RAD21: variants seen among roughly 807,000 people sequenced by gnomAD.
The protein encoded by RAD21 is double-strand-break repair protein rad21 homolog.
RAD21 carries 18 observed loss-of-function variants against 71.5 expected under a neutral mutation model. The ratio of observed to expected loss-of-function variants is 0.25; its 90% confidence interval spans 0.17 to 0.37. The LOEUF is 0.37. RAD21 is among the 10% of genes least tolerant of loss of function. The probability of loss-of-function intolerance (pLI) is 1.00; values close to 1 mark genes in which losing one functional copy is unlikely to be tolerated. For missense variants in RAD21, 493 were observed against 769.1 expected, an observed-to-expected ratio of 0.64 and a Z score of 4.25; for synonymous variants, 248 against 254.0, an observed-to-expected ratio of 0.98 and a Z score of 0.22.
In RAD21 at chr8:116,863,731, C is replaced by T. The variant is rs1026450919; in HGVS notation, c.145-472G>A. Among the ~76,000 whole-genome samples, 7 of 152,056 alleles carry T rather than the reference C, an allele frequency of 4.6e-5. 1 individual carries two copies. Among genetic ancestry groups the T allele is most frequent in the Admixed American group, 6.6e-5 (1 of 15,240 alleles). ...GATTTCCCCCCCAAAAGAACAACGC[C>T]TCTCTTCCTTCCCTCTTTCCTGCTT... On this transcript the variant is annotated intron_variant, in intron 2 of 13. Coordinates refer to ENST00000297338, the MANE Select transcript of RAD21 (RefSeq NM_006265.3).
chr8:116,852,444 G>A lies in RAD21; in HGVS notation c.1321+105C>T, dbSNP rs1586264452. On this transcript the variant is annotated intron_variant, in intron 10 of 13. Coordinates refer to ENST00000297338, the MANE Select transcript of RAD21 (RefSeq NM_006265.3). ...TGCATTTCCCTGCCCAAACATTTGA[G>A]TATATCTTTGATTCCTCATTTCTTT... 13 of 1,217,480 alleles carry A rather than the reference G, an allele frequency of 1.1e-5. No individual in the cohort carries two copies. In the East Asian group the frequency reaches 2.7e-4, roughly 25 times the overall value. 75.4% of individuals were successfully genotyped at this position (1,217,480 alleles called of 1,614,324 possible).
rs756816085 is a variant in RAD21 at position 116,848,934 on chromosome 8, C to G, written c.1704+12G>C. On this transcript the variant is annotated intron_variant, in intron 13 of 13. Coordinates refer to ENST00000297338, the MANE Select transcript of RAD21 (RefSeq NM_006265.3). The stretch of plus-strand genomic sequence containing the variant: ...GATGAAGCATTTTCCTCTGAGACAA[C>G]AGCGGCAATACCTGAAGACCATGAA... 2 of 1,595,366 alleles carry G rather than the reference C, an allele frequency of 1.3e-6. No individual in the cohort carries two copies. The highest frequency in any genetic ancestry group is 1.7e-6 in the Non-Finnish European group (2 of 1,170,360).
chr8:116,853,521 A>G (rs1454706991), intron 9 of RAD21, among the ~76,000 whole-genome samples: 2 of 152,226 alleles, frequency 1.3e-5, no homozygotes, highest in Admixed American at 6.5e-5. Flanking sequence ...CACACTTTGA[A>G]TTACTTCCTT....
Position 116,857,471 on chromosome 8 carries a change from C to A in RAD21, c.484G>T (p.Asp162Tyr). The A allele has an allele frequency of 1.2e-6, 2 of 1,611,734 alleles. No individual in the cohort carries two copies. The highest frequency in any genetic ancestry group is 1.7e-6 in the Non-Finnish European group (2 of 1,178,746). The change falls in exon 6 of 14, where the codon GAT becomes TAT. Residue 162 changes from aspartate to tyrosine, a missense_variant and splice_region_variant. By Grantham distance (160) the Asp-to-Tyr change is radical. Coordinates refer to ENST00000297338, the MANE Select transcript of RAD21 (RefSeq NM_006265.3). ...ISILQENDFG[D>Y]FGMDDREIMR... ...ATCTCACGATCATCCATTCCAAAAT[C>A]ACCTAAACAAATTTTAATTTGTCAT...
At chr8:116,864,829 T>C (rs1337718058) in intron 2 of RAD21, among the ~76,000 whole-genome samples, 1 of 152,106 alleles carries the variant, frequency 6.6e-6, no homozygotes, top group Non-Finnish European at 1.5e-5. Context: ...GTTTTTGAGC[T>C]AGTGTGTGTT....
chr8:116,856,353 A>C, intron 7 of RAD21, 65 bp from the exon 8 acceptor site: 2 of 1,360,164 alleles, frequency 1.5e-6, no homozygotes, highest in South Asian at 2.0e-5. Context: ...ATATCCCACA[A>C]ATGGGGAGGA....
chr8:116,874,609 A>G lies in RAD21; in HGVS notation c.-33+2T>C. ...AAAGAAGGGGTCGGCCGAGTCTCTTACCTTGCTCTCCGCTGGGAGTTGGGC... is the reference window on the plus strand; with the variant it reads ...AAAGAAGGGGTCGGCCGAGTCTCTTGCCTTGCTCTCCGCTGGGAGTTGGGC... On this transcript the variant is annotated splice_donor_variant, in intron 1 of 13. Coordinates refer to ENST00000297338, the MANE Select transcript of RAD21 (RefSeq NM_006265.3). LOFTEE classifies it low-confidence loss of function (5UTR_SPLICE). 2.9e-6 allele frequency: 1 copy of G among 341,614 alleles called. No homozygotes were observed. The highest frequency in any genetic ancestry group is 5.6e-6 in the Non-Finnish European group (1 of 178,214). 21.2% of individuals were successfully genotyped at this position (341,614 alleles called of 1,614,324 possible). A position where few individuals can be genotyped will look rare whatever the true frequency, so the allele number is the denominator to read the frequency against.
chr8:116,866,726 A>G lies in RAD21; in HGVS notation c.4T>C (p.Phe2Leu). 6.2e-7 allele frequency: 1 copy of G among 1,607,944 alleles called. No individual in the cohort carries two copies. The highest frequency in any genetic ancestry group is 8.5e-7 in the Non-Finnish European group (1 of 1,177,476). Residue 2 changes from phenylalanine (F) to leucine (L), a missense_variant, in exon 2 of 14, where the codon TTC becomes CTC. This residue lies in a region of RAD21 where 27 missense variants were observed against 144.1 expected (regional missense o/e 0.19). Coordinates refer to ENST00000297338, the MANE Select transcript of RAD21 (RefSeq NM_006265.3). M[F>L]YAHFVLSKRG... ...TTACTGAGAACAAAATGTGCGTAGA[A>G]CATTGTTCTGGCTGGCTATGAAAAC...
chr8:116,854,597 A>T (rs1353416668), intron 8 of RAD21, 129 bp from the exon 9 acceptor site: 3 of 719,144 alleles, frequency 4.2e-6, no homozygotes, highest in Middle Eastern at 3.8e-4. Context: ...GTTAAACTTC[A>T]TGAGGATAGA....
chr8:116,853,649 T>C (rs906156371), intron 9 of RAD21, among the ~76,000 whole-genome samples: 1 of 152,198 alleles, frequency 6.6e-6, no homozygotes, highest in African/African-American at 2.4e-5. Context: ...TGCTCTGGGA[T>C]ACTTTAGATT....
At chr8:116,851,740 A>G (rs1193133813) in intron 11 of RAD21, 3 of 447,308 alleles carry the variant, frequency 6.7e-6, no homozygotes, top group Non-Finnish European at 4.0e-6. Flanking sequence ...ACTATTCAAA[A>G]AGAGTCAGGA....
At chr8:116,873,648 A>C (rs960843408) in intron 1 of RAD21, among the ~76,000 whole-genome samples, 1 of 148,726 alleles carries the variant, frequency 6.7e-6, no homozygotes, top group Non-Finnish European at 1.5e-5. Flanking sequence ...TTTTTTTTTC[A>C]CGCTGAAGAC....
chr8:116,856,022 C>G (rs1812455655), intron 8 of RAD21, 144 bp downstream of exon 8: 1 of 802,180 alleles, frequency 1.2e-6, no homozygotes, highest in African/African-American at 1.8e-5. Flanking sequence ...GCAACAGTAG[C>G]AGATCAGTAG....
intron 2 of RAD21, among the ~76,000 whole-genome samples, chr8:116,865,815 A>G (rs1207181692): frequency 6.6e-6 from 1 of 152,128 alleles, no homozygotes; most frequent in African/African-American, 2.4e-5. Context: ...CAGGAAATAG[A>G]GCAAAACTTA....
intron 2 of RAD21, among the ~76,000 whole-genome samples, chr8:116,864,208 G>A (rs1037250753): frequency 2.0e-5 from 3 of 151,832 alleles, no homozygotes; most frequent in African/African-American, 7.3e-5. Flanking sequence ...TAGCCATAAG[G>A]AAAATTTACT....
chr8:116,869,404 G>C (rs2130490152), intron 1 of RAD21, among the ~76,000 whole-genome samples: 1 of 152,284 alleles, frequency 6.6e-6, no homozygotes, highest in African/African-American at 2.4e-5. Flanking sequence ...GGACAATTTG[G>C]CAAAACCCTG....
At chr8:116,873,214 G>A (rs534978550) in intron 1 of RAD21, among the ~76,000 whole-genome samples, 1 of 152,076 alleles carries the variant, frequency 6.6e-6, no homozygotes, top group African/African-American at 2.4e-5. Context: ...CTTAGAATTT[G>A]TATGTTTCAC....
At chr8:116,860,739 C>T (rs967772291) in intron 4 of RAD21, among the ~76,000 whole-genome samples, 16 of 152,084 alleles carry the variant, frequency 1.1e-4, no homozygotes, top group African/African-American at 3.9e-4. Context: ...GTGGTGGAAC[C>T]AAACCCACAG....
Position 116,851,931 on chromosome 8 carries a change from TAG to T in RAD21, c.1470+15_1470+16del. The T allele has an allele frequency of 1.9e-6, 3 of 1,595,728 alleles. No homozygotes were observed. The East Asian group carries it at 6.8e-5, about 36-fold the overall frequency. On this transcript the variant is annotated intron_variant, in intron 11 of 13. Transcript: ENST00000297338. ...GAATACCTTCAAATGACTTAATGGA[TAG>T]ATTTGCTTACTTACAGGCATCACAG...
Sources: gnomAD v4.1 joint callset for allele counts (sites outside exome capture counted in the v4.1 genomes callset) on GRCh38, gnomAD v4.1.1 for gene constraint, gnomAD v4.1.1 regional missense constraint, MANE v1.5 for transcripts, NCBI Gene and HGNC (gene_info 2026-07-23, HGNC 2026-07-21) for gene names.